The following EP400 variants were observed in gnomAD, a reference collection of about 807,000 sequenced individuals.
The protein encoded by EP400 is E1A-binding protein p400.
In EP400, 105 loss-of-function variants were observed where a neutral mutation model predicts 354.1. That is an observed-to-expected ratio of 0.30 (90% CI 0.25 to 0.35). The LOEUF is 0.35. Ranked by LOEUF, EP400 falls within the 10% of genes least tolerant of loss-of-function variation. EP400 has a pLI of 1.00. For missense variants in EP400, 3,280 were observed against 4,121.0 expected (o/e 0.80, Z 5.59); for synonymous variants, 1,646 against 1,716.9 (o/e 0.96, Z 1.02).
intron 3 of EP400, 97 bp downstream of exon 3, chr12:131,979,890 C>G: frequency 1.0e-6 from 1 of 957,270 alleles, no homozygotes; most frequent in South Asian, 1.8e-5. Context: ...AGTTGCTAAA[C>G]TTGGTTTCTT....
intron 2 of EP400, among the ~76,000 whole-genome samples, chr12:131,977,517 T>A (rs1238193304): frequency 4.6e-5 from 7 of 151,796 alleles, no homozygotes; most frequent in South Asian, 2.1e-4. Context: ...TTTTTTTTTT[T>A]AATTAAAAAA....
rs113873700 is a variant in EP400, at chr12:132,013,326, A to G, written c.3611+148A>G. ...CTTCATCCCAGCACATGGGCCAGAG[A>G]GCCCCAGAGCTGGGTCAGTGCAGCC... On this transcript the variant is annotated intron_variant, in intron 17 of 52. Coordinates refer to ENST00000389561, the MANE Select transcript of EP400 (RefSeq NM_015409.5). The surrounding 1 kb of genome is among the most constrained non-coding windows in gnomAD (Gnocchi z 4.5). 7.1e-7 allele frequency: 1 copy of G among 1,404,726 alleles called. No homozygotes were observed. Among genetic ancestry groups the G allele is most frequent in the Middle Eastern group, 2.1e-4 (1 of 4,762 alleles). 87.0% of individuals were successfully genotyped at this position (1,404,726 alleles called of 1,614,324 possible).
chr12:132,054,821 C>T lies in EP400; in HGVS notation c.7729-153C>T, dbSNP rs1207693696. Among the ~76,000 whole-genome samples the T allele has an allele frequency of 1.3e-5, 2 of 151,804 alleles. No homozygotes were observed. The highest frequency in any genetic ancestry group is 2.4e-5 in the African/African-American group (1 of 41,302). On this transcript the variant is annotated intron_variant, in intron 43 of 52. Coordinates refer to ENST00000389561, the MANE Select transcript of EP400 (RefSeq NM_015409.5). The surrounding 1 kb of genome is among the most constrained non-coding windows in gnomAD (Gnocchi z 4.0). ...GCAGGTAGACAGAGGGTGGGGGCACCGCCAGGTGGAATGAGCTGGGGAGGA... is the reference window on the plus strand; with the variant it reads ...GCAGGTAGACAGAGGGTGGGGGCACTGCCAGGTGGAATGAGCTGGGGAGGA...
chr12:131,968,847 T>G (rs996988788), intron 2 of EP400, among the ~76,000 whole-genome samples: 2 of 152,176 alleles, frequency 1.3e-5, no homozygotes, highest in Non-Finnish European at 2.9e-5. Flanking sequence ...TAAAAAAATT[T>G]CCAGCTGTTT....
chr12:132,043,268 G>T, intron 32 of EP400, 36 bp from the exon 33 acceptor site: 1 of 1,585,594 alleles, frequency 6.3e-7, no homozygotes, highest in South Asian at 1.2e-5. Context: ...CATTTAAAAA[G>T]TCTATCAAGG....
chr12:132,011,752 T>G, intron 16 of EP400, 118 bp downstream of exon 16: 7 of 1,249,184 alleles, frequency 5.6e-6, no homozygotes, highest in Non-Finnish European at 6.5e-6. Flanking sequence ...GATCACTCAT[T>G]CATGAGTTAA....
rs1377057151 is a variant in EP400 at position 132,075,293 on chromosome 12, C to T, written c.9022-1223C>T. Among the ~76,000 whole-genome samples the T allele has an allele frequency of 6.6e-6, 1 of 151,764 alleles. No individual in the cohort carries two copies. The highest frequency in any genetic ancestry group is 2.4e-5 in the African/African-American group (1 of 41,294). The stretch of plus-strand genomic sequence containing the variant: ...GTGTCCTGTGCGACCCTGGAGATCA[C>T]GGGGTGCGTCTCCATGTGGCCAGCG... On this transcript the variant is annotated intron_variant, in intron 51 of 52. Transcript: ENST00000389561. The surrounding 1 kb of genome is among the most constrained non-coding windows in gnomAD (Gnocchi z 4.5).
At chr12:132,077,303 A>C in intron 52 of EP400, 98 bp from the exon 53 acceptor site, 1 of 1,436,846 alleles carries the variant, frequency 7.0e-7, no homozygotes, top group Non-Finnish European at 9.4e-7. Flanking sequence ...ATAGTCAGTG[A>C]AGTTTCTCGA....
At chr12:132,026,664 G>A (rs1894316362) in intron 25 of EP400, among the ~76,000 whole-genome samples, 1 of 152,166 alleles carries the variant, frequency 6.6e-6, no homozygotes, top group Non-Finnish European at 1.5e-5. Context: ...ATGAGTCACT[G>A]TCCCGTGGAA....
chr12:132,031,849 C>T, intron 29 of EP400, 104 bp from the exon 30 acceptor site: 1 of 1,281,124 alleles, frequency 7.8e-7, no homozygotes, highest in Non-Finnish European at 1.1e-6. Flanking sequence ...GCCGCCACGC[C>T]CGGCCTGCTG....
In EP400 at chr12:132,038,189, A is replaced by G; in HGVS notation, c.6207+93A>G. 1.3e-6 allele frequency: 2 copies of G among 1,521,660 alleles called. No homozygotes were observed. Among genetic ancestry groups the G allele is most frequent in the Non-Finnish European group, 1.8e-6 (2 of 1,118,590 alleles). 94.3% of individuals were successfully genotyped at this position (1,521,660 alleles called of 1,614,324 possible). ...CCAGGGTTCTGGGTGCTCAGTCCCC[A>G]CTCTTCCCTGGCCTGAAGCCCTCTT... On this transcript the variant is annotated intron_variant, in intron 32 of 52. Coordinates refer to ENST00000389561, the MANE Select transcript of EP400 (RefSeq NM_015409.5). The surrounding 1 kb of genome is among the most constrained non-coding windows in gnomAD (Gnocchi z 4.2).
chr12:132,069,617 C>A lies in EP400; in HGVS notation c.8997C>A (p.Ala2999=). The A allele has an allele frequency of 6.2e-7, 1 of 1,614,212 alleles. No individual in the cohort carries two copies. Among genetic ancestry groups the A allele is most frequent in the Non-Finnish European group, 8.5e-7 (1 of 1,180,022 alleles). ...PISQAQKLAG[A]QQVQTQIQVA... is the part of the protein sequence containing the mutation. ...CCCAGGCCCAGAAACTGGCCGGGGCCCAGCAAGTGCAGACCCAGATCCAGG... is the reference window on the plus strand; with the variant it reads ...CCCAGGCCCAGAAACTGGCCGGGGCACAGCAAGTGCAGACCCAGATCCAGG... The change falls in exon 51 of 53, where the codon GCC becomes GCA. Residue 2999 remains alanine, a synonymous_variant. Coordinates refer to ENST00000389561, the MANE Select transcript of EP400 (RefSeq NM_015409.5).
rs1341368177 is a variant in EP400 at position 132,075,509 on chromosome 12, C to T, written c.9022-1007C>T. 1.3e-5 allele frequency among the ~76,000 whole-genome samples: 2 copies of T among 152,158 alleles called. No homozygotes were observed. Among genetic ancestry groups the T allele is most frequent in the African/African-American group, 2.4e-5 (1 of 41,432 alleles). On this transcript the variant is annotated intron_variant, in intron 51 of 52. Coordinates refer to ENST00000389561, the MANE Select transcript of EP400 (RefSeq NM_015409.5). This position sits in a 1 kb window ranked among gnomAD's most constrained non-coding sequence, Gnocchi z 4.5. ...CAAGTAAGTCCTGGACCATTGTGGT[C>T]TTGAGATGGGCCCTGGAGCACCGGC...
At chr12:132,051,522 A>T (rs1019108386) in intron 41 of EP400, among the ~76,000 whole-genome samples, 8 of 152,224 alleles carry the variant, frequency 5.3e-5, no homozygotes, top group African/African-American at 1.9e-4. Flanking sequence ...GCCACTGGAC[A>T]GGGGGCCCTT....
At position 132,064,675 on chromosome 12, in the gene EP400, T is replaced by C. The variant is rs953932411; in HGVS notation, c.8342T>C (p.Leu2781Pro). Residue 2781 changes from leucine (L) to proline (P), a missense_variant, in exon 48 of 53, where the codon CTC (leucine) becomes CCC (proline). Physicochemically the swap from Leu to Pro is moderately conservative, Grantham distance 98. Coordinates refer to ENST00000389561, the MANE Select transcript of EP400 (RefSeq NM_015409.5). ...ACTTTGCTTGTATTTTAGGAACACC[T>C]CATCAAAATGCAGAAGCAGAAACTG... ...KAVGKLTPEH[L>P]IKMQKQKLQM... 10 of 1,611,526 alleles carry C rather than the reference T, an allele frequency of 6.2e-6. No homozygotes were observed. The highest frequency in any genetic ancestry group is 8.5e-6 in the Non-Finnish European group (10 of 1,178,218).
chr12:132,041,291 C>T (rs1894896805), intron 32 of EP400, among the ~76,000 whole-genome samples: 1 of 152,246 alleles, frequency 6.6e-6, no homozygotes, highest in Admixed American at 6.5e-5. Flanking sequence ...AAACATACAG[C>T]AAGTGTACAC....
intron 32 of EP400, among the ~76,000 whole-genome samples, chr12:132,042,525 TTA>T (rs551405993): frequency 1.4e-3 from 219 of 152,354 alleles, no homozygotes; most frequent in Admixed American, 3.3e-3. Flanking sequence ...TTGCATTGTT[TTA>T]TGTTTGCTAT....
intron 11 of EP400, among the ~76,000 whole-genome samples, chr12:131,993,634 G>A (rs1893114231): frequency 6.6e-6 from 1 of 152,180 alleles, no homozygotes; most frequent in South Asian, 2.1e-4. Flanking sequence ...GGACAATTTT[G>A]TTGTTATGTG....
chr12:131,956,693 G>C (rs992989099), intron 1 of EP400, among the ~76,000 whole-genome samples: 2 of 152,048 alleles, frequency 1.3e-5, no homozygotes, highest in African/African-American at 4.8e-5. Flanking sequence ...AATTGCTTCT[G>C]TAATTCCCTT....
Sources: gnomAD v4.1 joint callset for allele counts (sites outside exome capture counted in the v4.1 genomes callset) on GRCh38, gnomAD v4.1.1 for gene constraint, Gnocchi (gnomAD v3.1) non-coding constraint, MANE v1.5 for transcripts, NCBI Gene and HGNC (gene_info 2026-07-23, HGNC 2026-07-21) for gene names.